Variants in APP observed in about 807,000 individuals in gnomAD.
The protein encoded by APP is amyloid-beta precursor protein.
In APP, 31 loss-of-function variants were observed where a neutral mutation model predicts 101.4. The ratio of observed to expected loss-of-function variants is 0.31; its 90% CI spans 0.23 to 0.41. The LOEUF (loss-of-function observed/expected upper bound fraction) is 0.41, where lower values mean the gene tolerates loss of function less well. Among genes scored for constraint, APP ranks in the 10% least tolerant of loss-of-function variants. APP has a pLI of 1.00. For synonymous variants in APP, 366 were observed against 364.4 expected, an observed-to-expected ratio of 1.00 and a Z score of -0.05; for missense variants, 839 against 1,003.7, an observed-to-expected ratio of 0.84 and a Z score of 2.22.
At chr21:25,924,579 A>G (rs1284670505) in intron 13 of APP, among the ~76,000 whole-genome samples, 1 of 151,832 alleles carries the variant, frequency 6.6e-6, no homozygotes, top group African/African-American at 2.4e-5. Flanking sequence ...ACATGGACAC[A>G]GGGAGGGGGA....
At chr21:26,152,140 C>G (rs1459315944) in intron 1 of APP, among the ~76,000 whole-genome samples, 3 of 151,846 alleles carry the variant, frequency 2.0e-5, no homozygotes, top group African/African-American at 7.3e-5. Flanking sequence ...ACAAAATTAG[C>G]CGGGCGTGGT....
At position 25,896,309 on chromosome 21, in the gene APP, A is replaced by G. The variant is rs569721667; in HGVS notation, c.2064+1264T>C. On this transcript the variant is annotated intron_variant, in intron 16 of 17. Transcript: ENST00000346798. ...TATTTGCTACAATTATTTGGAGTCA[A>G]GTAAGGCATAAATAATAATTTGGAG... 2.6e-5 allele frequency among the ~76,000 whole-genome samples: 4 copies of G among 152,328 alleles called. No homozygotes were observed. In the South Asian group the frequency reaches 8.3e-4, roughly 32 times the overall value.
intron 13 of APP, chr21:25,941,868 C>CT (rs1001064529): frequency 6.6e-6 from 1 of 152,196 alleles, no homozygotes; most frequent in Non-Finnish European, 1.5e-5. Flanking sequence ...GCTAAAAACT[C>CT]TTATGTCTGA....
intron 6 of APP, among the ~76,000 whole-genome samples, chr21:26,014,137 C>A (rs1383524524): frequency 6.6e-6 from 1 of 152,170 alleles, no homozygotes; most frequent in Non-Finnish European, 1.5e-5. Context: ...CTCCCTGGAG[C>A]TTTAGTTTCA....
intron 13 of APP, chr21:25,945,380 C>CTTTTCTT (rs2040766595): frequency 1.3e-5 from 1 of 75,610 alleles, no homozygotes; most frequent in Non-Finnish European, 2.4e-5. Flanking sequence ...GCAATCCGCA[C>CTTTTCTT]TTTTTTTTTT....
chr21:26,019,233 C>G (rs2044229510), intron 6 of APP, among the ~76,000 whole-genome samples: 1 of 152,238 alleles, frequency 6.6e-6, no homozygotes, highest in Non-Finnish European at 1.5e-5. Context: ...TCTTTGCCAG[C>G]CTGGCATTGA....
intron 6 of APP, among the ~76,000 whole-genome samples, chr21:26,016,445 G>T (rs1328966844): frequency 6.6e-6 from 1 of 152,230 alleles, no homozygotes; most frequent in Non-Finnish European, 1.5e-5. Flanking sequence ...AGGTTGAAAT[G>T]AATTTGTGTG....
intron 13 of APP, among the ~76,000 whole-genome samples, chr21:25,931,337 T>C (rs1193605646): frequency 6.6e-6 from 1 of 152,184 alleles, no homozygotes; most frequent in Non-Finnish European, 1.5e-5. Flanking sequence ...GTGACTCTTC[T>C]GGCTGCTGTG....
At chr21:25,900,733 G>A (rs2038402108) in intron 15 of APP, among the ~76,000 whole-genome samples, 6 of 152,132 alleles carry the variant, frequency 3.9e-5, no homozygotes, top group African/African-American at 1.4e-4. Flanking sequence ...CGGGCACAGT[G>A]GCTCACACCT....
At chr21:25,908,864 C>T (rs1242375650) in intron 14 of APP, among the ~76,000 whole-genome samples, 3 of 152,132 alleles carry the variant, frequency 2.0e-5, no homozygotes, top group Admixed American at 1.3e-4. Flanking sequence ...TGCTCAGAAG[C>T]ACATAGCAGG....
In APP at chr21:26,011,075, T is replaced by TTA. The variant is rs1568851699; in HGVS notation, c.865+10764_865+10765insTA. ...GGTATTTCTCTGTTCACTTTTTTAT[T>TTA]TTTATTTATTTATTTTTGAGACGGC... On this transcript the variant is annotated intron_variant, in intron 6 of 17. Coordinates refer to ENST00000346798, the MANE Select transcript of APP (RefSeq NM_000484.4). 1.7e-4 allele frequency among the ~76,000 whole-genome samples: 26 copies of TTA among 151,986 alleles called. No individual in the cohort carries two copies. In the East Asian group the frequency reaches 5.1e-3, roughly 30 times the overall value.
intron 1 of APP, among the ~76,000 whole-genome samples, chr21:26,136,750 A>G (rs1199601157): frequency 6.8e-6 from 1 of 147,198 alleles, no homozygotes; most frequent in Non-Finnish European, 1.5e-5. Context: ...TTAGAAGAAG[A>G]AAAAAAAAAA....
intron 3 of APP, among the ~76,000 whole-genome samples, chr21:26,085,467 G>A (rs1160222394): frequency 6.6e-6 from 1 of 152,118 alleles, no homozygotes; most frequent in Non-Finnish European, 1.5e-5. Context: ...CACAGTGCAG[G>A]TCGGTGGGGA....
intron 5 of APP, among the ~76,000 whole-genome samples, chr21:26,035,548 T>C (rs778972007): frequency 1.3e-5 from 2 of 152,230 alleles, no homozygotes; most frequent in Non-Finnish European, 2.9e-5. Context: ...TTGTTAGTTG[T>C]TACCCGTTAT....
intron 3 of APP, among the ~76,000 whole-genome samples, chr21:26,068,819 A>G (rs56915377): frequency 0.031 from 4,703 of 152,258 alleles, 227 homozygotes; most frequent in African/African-American, 0.11. Context: ...ACTCAGACAT[A>G]TCATCCATGC....
At chr21:26,024,002 G>A (rs1305249043) in intron 5 of APP, among the ~76,000 whole-genome samples, 1 of 152,142 alleles carries the variant, frequency 6.6e-6, no homozygotes, top group African/African-American at 2.4e-5. Flanking sequence ...AATTTGGATG[G>A]CAAAAGAAGG....
rs2043548769 is a variant in APP at position 26,006,765 on chromosome 21, ACTTT to A, written c.866-6587_866-6584del. Among the ~76,000 whole-genome samples, 5 of 152,346 alleles carry A rather than the reference ACTTT, an allele frequency of 3.3e-5. No homozygotes were observed. In the South Asian group the frequency reaches 8.3e-4, roughly 25 times the overall value. ...CAACCAGAATGGGGAGAAAATCTCC[ACTTT>A]CAAATGTACGATAATTATAATGCCT... is the stretch of plus-strand genomic sequence containing the variant. On this transcript the variant is annotated intron_variant, in intron 6 of 17. Transcript: ENST00000346798.
intron 13 of APP, among the ~76,000 whole-genome samples, chr21:25,925,775 A>G (rs1055553468): frequency 6.6e-6 from 1 of 152,160 alleles, no homozygotes; most frequent in Non-Finnish European, 1.5e-5. Context: ...CTCTACTAAA[A>G]AAATACAAAA....
At chr21:26,140,800 C>CAATTT (rs2063028044) in intron 1 of APP, among the ~76,000 whole-genome samples, 1 of 152,218 alleles carries the variant, frequency 6.6e-6, no homozygotes, top group African/African-American at 2.4e-5. Flanking sequence ...CCCTTAAACT[C>CAATTT]AAATAAATTA....
Sources: gnomAD v4.1 joint callset for allele counts (sites outside exome capture counted in the v4.1 genomes callset) on GRCh38, gnomAD v4.1.1 for gene constraint, MANE v1.5 for transcripts, NCBI Gene and HGNC (gene_info 2026-07-23, HGNC 2026-07-21) for gene names.